The following TRHDE variants were observed in gnomAD, a reference collection of about 807,000 sequenced individuals.
TRHDE encodes thyrotropin releasing hormone degrading enzyme.
TRHDE carries 72 observed loss-of-function variants against 125.7 expected under a neutral mutation model. The ratio of observed to expected loss-of-function variants is 0.57; its 90% CI spans 0.47 to 0.70. The LOEUF is 0.70. Among genes scored for constraint, TRHDE ranks in the 30% least tolerant of loss-of-function variants. TRHDE has a pLI of 0.00. For missense variants in TRHDE, 1,110 were observed against 1,327.1 expected (o/e 0.84, Z 2.54); for synonymous variants, 509 against 509.1 (o/e 1.00, Z 0.00).
intron 15 of TRHDE, among the ~76,000 whole-genome samples, chr12:72,649,922 C>G (rs149272740): frequency 6.6e-6 from 1 of 152,216 alleles, no homozygotes; most frequent in Non-Finnish European, 1.5e-5. Flanking sequence ...CCCTTCCATA[C>G]TGCTTATGCG....
chr12:72,626,476 T>C (rs1873263803), intron 15 of TRHDE, among the ~76,000 whole-genome samples: 1 of 151,870 alleles, frequency 6.6e-6, no homozygotes, highest in Admixed American at 6.6e-5. Flanking sequence ...CAATCTACCC[T>C]CTATAAGTTT....
chr12:72,634,586 G>T (rs1873642790), intron 15 of TRHDE, among the ~76,000 whole-genome samples: 1 of 151,764 alleles, frequency 6.6e-6, no homozygotes, highest in African/African-American at 2.4e-5. Flanking sequence ...GTGCCATGCT[G>T]GTACGCTGCA....
intron 7 of TRHDE, among the ~76,000 whole-genome samples, chr12:72,543,919 C>T (rs1869283156): frequency 6.6e-6 from 1 of 150,752 alleles, no homozygotes; most frequent in Non-Finnish European, 1.5e-5. Context: ...ACCCACTCTG[C>T]TCAGTTTTAT....
intron 4 of TRHDE, among the ~76,000 whole-genome samples, chr12:72,471,259 T>C (rs533962585): frequency 6.6e-6 from 1 of 152,280 alleles, no homozygotes; most frequent in African/African-American, 2.4e-5. Flanking sequence ...CTGAGGTGTG[T>C]TCCTCATCTC....
intron 2 of TRHDE, among the ~76,000 whole-genome samples, chr12:72,316,146 A>G (rs1455066974): frequency 6.6e-6 from 1 of 152,150 alleles, no homozygotes; most frequent in Admixed American, 6.5e-5. Flanking sequence ...AATCCAAGGA[A>G]ATTTTTCCTT....
chr12:72,372,643 G>T (rs1871660887), intron 2 of TRHDE, among the ~76,000 whole-genome samples: 1 of 152,150 alleles, frequency 6.6e-6, no homozygotes, highest in Non-Finnish European at 1.5e-5. Context: ...TTATTAAATA[G>T]GGAATCCTTT....
chr12:72,414,392 T>G (rs1203964646), intron 3 of TRHDE, among the ~76,000 whole-genome samples: 1 of 152,056 alleles, frequency 6.6e-6, no homozygotes, highest in African/African-American at 2.4e-5. Context: ...TATTAGCTAT[T>G]AGCTACTTGA....
intron 2 of TRHDE, among the ~76,000 whole-genome samples, chr12:72,179,558 T>C (rs1306325695): frequency 6.6e-6 from 1 of 152,066 alleles, no homozygotes; most frequent in East Asian, 1.9e-4. Context: ...TTTTTACATA[T>C]CCCAATCTCA....
chr12:72,326,607 T>G (rs1050474839), intron 2 of TRHDE, among the ~76,000 whole-genome samples: 2 of 152,128 alleles, frequency 1.3e-5, no homozygotes, highest in Admixed American at 6.5e-5. Context: ...CTTTCAAGCT[T>G]AGGAAATTCA....
chr12:72,620,710 C>A (rs545537750), intron 13 of TRHDE, among the ~76,000 whole-genome samples: 1 of 152,066 alleles, frequency 6.6e-6, no homozygotes, highest in East Asian at 1.9e-4. Context: ...ATTAAATATG[C>A]CTTGTTGATA....
intron 2 of TRHDE, among the ~76,000 whole-genome samples, chr12:72,237,480 G>A (rs977581178): frequency 3.3e-5 from 5 of 152,110 alleles, no homozygotes; most frequent in Admixed American, 2.0e-4. Flanking sequence ...TGTGGCATTT[G>A]CAAAATATAA....
chr12:72,175,280 A>G (rs978706992), intron 2 of TRHDE, among the ~76,000 whole-genome samples: 3 of 152,188 alleles, frequency 2.0e-5, no homozygotes, highest in Admixed American at 6.5e-5. Context: ...TTTTTCATTT[A>G]GCATGATATC....
intron 2 of TRHDE, among the ~76,000 whole-genome samples, chr12:72,308,436 T>A (rs1868391441): frequency 6.6e-6 from 1 of 152,208 alleles, no homozygotes; most frequent in Non-Finnish European, 1.5e-5. Context: ...TTCTACTCTG[T>A]GTTAGCTGTA....
At chr12:72,296,526 G>C (rs1329846628) in intron 2 of TRHDE, among the ~76,000 whole-genome samples, 1 of 152,046 alleles carries the variant, frequency 6.6e-6, no homozygotes, top group Admixed American at 6.6e-5. Flanking sequence ...TGATTTGTTA[G>C]TAATAGCTGA....
At chr12:72,441,435 A>G (rs1875005985) in intron 3 of TRHDE, among the ~76,000 whole-genome samples, 1 of 151,804 alleles carries the variant, frequency 6.6e-6, no homozygotes, top group South Asian at 2.1e-4. Flanking sequence ...GAAAGCCTTC[A>G]GTGAGTAGTA....
intron 2 of TRHDE, among the ~76,000 whole-genome samples, chr12:72,116,388 G>A (rs1435783047): frequency 6.6e-6 from 1 of 152,148 alleles, no homozygotes; most frequent in Non-Finnish European, 1.5e-5. Context: ...TAATGGGATT[G>A]CTGGGTCAAA....
intron 3 of TRHDE, among the ~76,000 whole-genome samples, chr12:72,426,017 A>G (rs1285554987): frequency 6.6e-6 from 1 of 152,136 alleles, no homozygotes; most frequent in Non-Finnish European, 1.5e-5. Flanking sequence ...AAACAATTGA[A>G]ATGGTGGCAG....
At chr12:72,199,303 C>T (rs1340808942) in intron 2 of TRHDE, among the ~76,000 whole-genome samples, 1 of 152,166 alleles carries the variant, frequency 6.6e-6, no homozygotes, top group East Asian at 1.9e-4. Flanking sequence ...TAAATATTCA[C>T]TGGACACAAC....
chr12:72,251,674 A>T (rs1878686522), intron 2 of TRHDE, among the ~76,000 whole-genome samples: 1 of 152,122 alleles, frequency 6.6e-6, no homozygotes, highest in African/African-American at 2.4e-5. Flanking sequence ...TCTCTGGGAT[A>T]AATGCTGATG....
Sources: gnomAD v4.1 joint callset for allele counts (sites outside exome capture counted in the v4.1 genomes callset) on GRCh38, gnomAD v4.1.1 for gene constraint, MANE v1.5 for transcripts, NCBI Gene and HGNC (gene_info 2026-07-23, HGNC 2026-07-21) for gene names.